Variants in PCDHA4 observed in about 807,000 individuals in gnomAD.
PCDHA4 encodes the protein protocadherin alpha-4.
In PCDHA4, 49 loss-of-function variants were observed where a neutral mutation model predicts 61.4. That is an observed-to-expected ratio of 0.80 (90% CI 0.63 to 1.01). The LOEUF is 1.01. PCDHA4 is among the 50% of genes least tolerant of loss of function. The pLI, the probability that PCDHA4 is intolerant of heterozygous loss-of-function variation, is 0.00. For synonymous variants in PCDHA4, 590 were observed against 550.3 expected, an observed-to-expected ratio of 1.07 and a Z score of -1.01; for missense variants, 1,254 against 1,235.8, an observed-to-expected ratio of 1.01 and a Z score of -0.22.
chr5:140,892,477 A>G (rs2063535340), intron 1 of PCDHA4, among the ~76,000 whole-genome samples: 1 of 152,220 alleles, frequency 6.6e-6, no homozygotes, highest in South Asian at 2.1e-4. Context: ...TCAGTTTCCT[A>G]GCCAAACATG....
At chr5:140,936,153 A>G (rs539421853) in intron 1 of PCDHA4, among the ~76,000 whole-genome samples, 1 of 152,284 alleles carries the variant, frequency 6.6e-6, no homozygotes, top group Admixed American at 6.5e-5. Flanking sequence ...TTGGCCTCCT[A>G]AAGTGCTGGG....
chr5:140,966,183 C>T (rs1399845859), intron 1 of PCDHA4: 1 of 195,556 alleles, frequency 5.1e-6, no homozygotes, highest in African/African-American at 2.3e-5. Flanking sequence ...AGCTGATAGC[C>T]AGACTTCTAG....
rs2150476991 is a variant in PCDHA4 at position 140,850,274 on chromosome 5, G to T, written c.2385+40702G>T. Reference sequence around the variant, plus strand: ...TGGGCGCCGGCGTAGTGGTGGGGAAGGTGCGCGCAGTGGACGCCGACTCGG... The same window carrying T: ...TGGGCGCCGGCGTAGTGGTGGGGAATGTGCGCGCAGTGGACGCCGACTCGG... On this transcript the variant is annotated intron_variant, in intron 1 of 3. Coordinates refer to ENST00000530339, the MANE Select transcript of PCDHA4 (RefSeq NM_018907.4). The T allele has an allele frequency of 3.8e-6, 6 of 1,595,442 alleles. 1 individual carries two copies. In the African/African-American group the frequency reaches 4.0e-5, roughly 11 times the overall value.
intron 1 of PCDHA4, chr5:140,841,681 C>G: frequency 6.2e-7 from 1 of 1,613,906 alleles, no homozygotes; most frequent in Non-Finnish European, 8.5e-7. Context: ...TCCATGTGGA[C>G]GTGGAGGTGA....
chr5:140,863,075 CG>C (rs2047768391), intron 1 of PCDHA4: 1 of 569,530 alleles, frequency 1.8e-6, no homozygotes, highest in South Asian at 1.4e-5. Context: ...GGGCTCTGCA[CG>C]GGCGAGATCA....
At chr5:140,915,825 C>T (rs1272581051) in intron 1 of PCDHA4, among the ~76,000 whole-genome samples, 1 of 152,118 alleles carries the variant, frequency 6.6e-6, no homozygotes, top group Non-Finnish European at 1.5e-5. Flanking sequence ...GGCCCTAGGG[C>T]TCTAAGATCA....
Position 140,883,762 on chromosome 5 carries a change from G to A in PCDHA4, c.2385+74190G>A, listed in dbSNP as rs782515575. 5 of 1,612,794 alleles carry A rather than the reference G, an allele frequency of 3.1e-6. No homozygotes were observed. The South Asian group carries it at 5.5e-5, about 18-fold the overall frequency. On this transcript the variant is annotated intron_variant, in intron 1 of 3. Coordinates refer to ENST00000530339, the MANE Select transcript of PCDHA4 (RefSeq NM_018907.4). ...TCTCCTACTCGCTGGTGGAGCGGCG[G>A]GTGGGCGAGCGTGCGCTGTCGAGCT... is the stretch of plus-strand genomic sequence containing the variant.
At chr5:140,926,118 G>C (rs927468824) in intron 1 of PCDHA4, among the ~76,000 whole-genome samples, 3 of 152,174 alleles carry the variant, frequency 2.0e-5, no homozygotes, top group African/African-American at 7.2e-5. Flanking sequence ...GTGCAGGACA[G>C]ACTTCAACCC....
intron 1 of PCDHA4, among the ~76,000 whole-genome samples, chr5:140,949,279 A>T (rs2094358116): frequency 6.6e-6 from 1 of 151,848 alleles, no homozygotes; most frequent in African/African-American, 2.4e-5. Flanking sequence ...CTTGAAAAGA[A>T]TGTATATTCT....
chr5:140,917,439 G>T (rs1437451173), intron 1 of PCDHA4, among the ~76,000 whole-genome samples: 1 of 151,364 alleles, frequency 6.6e-6, no homozygotes, highest in Non-Finnish European at 1.5e-5. Flanking sequence ...TTTTGTTTTT[G>T]CTGCAAGAGC....
chr5:140,932,261 T>C (rs1554208805), intron 1 of PCDHA4, among the ~76,000 whole-genome samples: 1 of 151,922 alleles, frequency 6.6e-6, no homozygotes, highest in East Asian at 1.9e-4. Context: ...CTCTGAGATA[T>C]AAATTTCTAC....
At chr5:140,927,281 A>G (rs1554204297) in intron 1 of PCDHA4, 1 of 1,614,172 alleles carries the variant, frequency 6.2e-7, no homozygotes, top group Non-Finnish European at 8.5e-7. Flanking sequence ...GGCGACGTGC[A>G]GCTGCACATC....
At chr5:140,902,974 A>T (rs1291767760) in intron 1 of PCDHA4, among the ~76,000 whole-genome samples, 1 of 152,178 alleles carries the variant, frequency 6.6e-6, no homozygotes, top group African/African-American at 2.4e-5. Context: ...ATGGGCATTT[A>T]GGTTGGTTCC....
In PCDHA4 at chr5:140,900,825, C is replaced by T. The variant is rs568337253; in HGVS notation, c.2386-78124C>T. On this transcript the variant is annotated intron_variant, in intron 1 of 3. Coordinates refer to ENST00000530339, the MANE Select transcript of PCDHA4 (RefSeq NM_018907.4). Reference sequence around the variant, plus strand: ...TGCTTGTACTAATTTACATTCCCACCAACAATGTACAAAGTTTCCCTTTTT... The same window carrying T: ...TGCTTGTACTAATTTACATTCCCACTAACAATGTACAAAGTTTCCCTTTTT... Among the ~76,000 whole-genome samples, 8 of 152,276 alleles carry T rather than the reference C, an allele frequency of 5.3e-5. No homozygotes were observed. The South Asian group carries it at 1.7e-3, about 32-fold the overall frequency.
chr5:140,863,186 TG>T, intron 1 of PCDHA4: 1 of 771,164 alleles, frequency 1.3e-6, no homozygotes, highest in Non-Finnish European at 2.2e-6. Flanking sequence ...ACCGTCACCG[TG>T]GTGGCGTCGC....
In PCDHA4 at chr5:140,851,110, A is replaced by G. The variant is rs2041963644; in HGVS notation, c.2385+41538A>G. On this transcript the variant is annotated intron_variant, in intron 1 of 3. Transcript: ENST00000530339. ...TAAATAGATATTTTTTGGGTGCTGA[A>G]TCAATTTTATTTAAATTTGTGATTA... 1.5e-6 allele frequency: 2 copies of G among 1,302,324 alleles called. 1 individual carries two copies. The highest frequency in any genetic ancestry group is 2.0e-6 in the Non-Finnish European group (2 of 1,004,926). 80.7% of individuals were successfully genotyped at this position (1,302,324 alleles called of 1,614,324 possible). A position where few individuals can be genotyped will look rare whatever the true frequency, so the allele number is the denominator to read the frequency against.
intron 1 of PCDHA4, chr5:140,848,633 C>T (rs1554142316): frequency 1.9e-6 from 3 of 1,593,314 alleles, no homozygotes; most frequent in Non-Finnish European, 2.6e-6. Context: ...CCTTCGTGGG[C>T]CGCATCGCGC....
intron 1 of PCDHA4, among the ~76,000 whole-genome samples, chr5:140,887,221 C>T (rs149306651): frequency 9.2e-5 from 14 of 151,858 alleles, no homozygotes; most frequent in Non-Finnish European, 1.3e-4. Flanking sequence ...CTCAGCCTCC[C>T]GAGTAGCTGA....
chr5:140,896,536 CT>C (rs34213614), intron 1 of PCDHA4, among the ~76,000 whole-genome samples: 112 of 145,476 alleles, frequency 7.7e-4, no homozygotes, highest in Admixed American at 9.6e-4. Flanking sequence ...AGCTATTTTT[CT>C]TTTTTTTTTT....
Sources: allele counts gnomAD v4.1 joint callset (sites outside exome capture counted in the v4.1 genomes callset), GRCh38; gene constraint gnomAD v4.1.1; transcripts MANE v1.5; gene names NCBI Gene and HGNC (gene_info 2026-07-23, HGNC 2026-07-21).